The following CTNNA2 variants were observed in gnomAD, a reference collection of about 807,000 sequenced individuals.
CTNNA2 encodes catenin alpha-2.
In CTNNA2, 42 loss-of-function variants were observed where a neutral mutation model predicts 101.0. The observed-to-expected ratio is 0.42, with a 90% CI of 0.32 to 0.54. The LOEUF is 0.54. CTNNA2 is among the 20% of genes least tolerant of loss of function. The probability of loss-of-function intolerance (pLI) is 0.14; values close to 1 mark genes in which losing one functional copy is unlikely to be tolerated. For missense variants in CTNNA2, 871 were observed against 1,223.1 expected, an observed-to-expected ratio of 0.71 and a Z score of 4.29; for synonymous variants, 450 against 456.4, an observed-to-expected ratio of 0.99 and a Z score of 0.18.
intron 7 of CTNNA2, among the ~76,000 whole-genome samples, chr2:80,010,805 A>G (rs1162980602): frequency 6.6e-6 from 1 of 152,104 alleles, no homozygotes; most frequent in Non-Finnish European, 1.5e-5. Flanking sequence ...TGTCTTTTGG[A>G]AAAATAGTGG....
intron 7 of CTNNA2, among the ~76,000 whole-genome samples, chr2:80,173,312 A>G (rs984924922): frequency 6.6e-5 from 10 of 152,214 alleles, no homozygotes; most frequent in Non-Finnish European, 1.5e-4. Flanking sequence ...AAGTGCTTTC[A>G]TGTCTAAAAT....
intron 3 of CTNNA2, among the ~76,000 whole-genome samples, chr2:79,321,233 A>G (rs1257158352): frequency 3.3e-5 from 5 of 152,200 alleles, no homozygotes; most frequent in African/African-American, 4.8e-5. Context: ...AGGTCAAGCA[A>G]CTTTGTTGGC....
At chr2:79,287,829 G>A (rs374043610) in intron 2 of CTNNA2, among the ~76,000 whole-genome samples, 5 of 151,924 alleles carry the variant, frequency 3.3e-5, no homozygotes, top group Admixed American at 1.3e-4. Context: ...GGGCAATGGC[G>A]GGCGCCCCTC....
intron 1 of CTNNA2, among the ~76,000 whole-genome samples, chr2:79,590,239 GC>G (rs1676760156): frequency 6.6e-6 from 1 of 152,116 alleles, no homozygotes; most frequent in African/African-American, 2.4e-5. Context: ...ACCATGCTCT[GC>G]TGGTCCATAT....
chr2:80,617,762 A>T (rs1698974488), intron 17 of CTNNA2, among the ~76,000 whole-genome samples: 1 of 151,828 alleles, frequency 6.6e-6, no homozygotes, highest in African/African-American at 2.4e-5. Context: ...TAATACACTT[A>T]TGTATTTAGT....
chr2:79,915,324 CACACACAT>C (rs1309270923), intron 7 of CTNNA2, among the ~76,000 whole-genome samples: 2 of 146,840 alleles, frequency 1.4e-5, no homozygotes, highest in Admixed American at 7.2e-5. Flanking sequence ...CACACACACA[CACACACAT>C]TACACTTTGC....
chr2:80,017,401 T>C (rs1230560008), intron 7 of CTNNA2, among the ~76,000 whole-genome samples: 2 of 152,026 alleles, frequency 1.3e-5, no homozygotes, highest in Non-Finnish European at 2.9e-5. Context: ...CATTGATGTG[T>C]ACATATAGAC....
At chr2:80,398,564 G>A (rs1678252514) in intron 8 of CTNNA2, among the ~76,000 whole-genome samples, 2 of 151,902 alleles carry the variant, frequency 1.3e-5, no homozygotes, top group African/African-American at 4.8e-5. Flanking sequence ...AAATAGAAAT[G>A]GGATCAGAGG....
At chr2:79,728,718 T>C (rs779140881) in intron 2 of CTNNA2, among the ~76,000 whole-genome samples, 2 of 152,216 alleles carry the variant, frequency 1.3e-5, no homozygotes, top group African/African-American at 2.4e-5. Context: ...GGTCTAATGC[T>C]TAAGTCTTTA....
At chr2:79,637,414 ATTTG>A (rs1680149218) in intron 1 of CTNNA2, among the ~76,000 whole-genome samples, 1 of 152,188 alleles carries the variant, frequency 6.6e-6, no homozygotes, top group African/African-American at 2.4e-5. Flanking sequence ...AGTTTCATAC[ATTTG>A]TAGATGTGTC....
At chr2:79,345,980 G>A (rs888546416) in intron 3 of CTNNA2, among the ~76,000 whole-genome samples, 1 of 151,666 alleles carries the variant, frequency 6.6e-6, no homozygotes. Flanking sequence ...GATTACAGGC[G>A]TGAGCCACCG....
intron 15 of CTNNA2, among the ~76,000 whole-genome samples, chr2:80,598,714 A>G (rs1697203462): frequency 6.6e-6 from 1 of 152,196 alleles, no homozygotes; most frequent in South Asian, 2.1e-4. Context: ...AGCAATAAAA[A>G]TGCATGCAAT....
chr2:80,583,435 G>T (rs555729201), intron 14 of CTNNA2, among the ~76,000 whole-genome samples: 1 of 152,174 alleles, frequency 6.6e-6, no homozygotes, highest in Non-Finnish European at 1.5e-5. Flanking sequence ...TTGACTCTGT[G>T]TTGGCAAAAC....
At chr2:80,043,016 TC>T (rs772487032) in intron 7 of CTNNA2, among the ~76,000 whole-genome samples, 10 of 147,804 alleles carry the variant, frequency 6.8e-5, no homozygotes, top group South Asian at 6.4e-4. Flanking sequence ...TTCCTTTCTT[TC>T]CCTTTCTTTC....
chr2:79,943,671 C>G (rs1345664410), intron 7 of CTNNA2, among the ~76,000 whole-genome samples: 1 of 152,124 alleles, frequency 6.6e-6, no homozygotes, highest in Non-Finnish European at 1.5e-5. Context: ...ATAAAGAAAG[C>G]TGGAAATATA....
intron 9 of CTNNA2, among the ~76,000 whole-genome samples, chr2:80,542,831 TTAAATAC>T (rs1691692154): frequency 1.3e-5 from 2 of 152,138 alleles, no homozygotes; most frequent in East Asian, 3.9e-4. Context: ...AGGTAGAACT[TTAAATAC>T]ATATATCTTT....
At chr2:79,226,058 T>G (rs934406258) in intron 2 of CTNNA2, among the ~76,000 whole-genome samples, 7 of 152,166 alleles carry the variant, frequency 4.6e-5, no homozygotes, top group African/African-American at 1.7e-4. Context: ...TACTCATGTT[T>G]TCTTTTATTT....
intron 2 of CTNNA2, among the ~76,000 whole-genome samples, chr2:79,296,346 A>G (rs1351970153): frequency 6.6e-6 from 1 of 152,168 alleles, no homozygotes; most frequent in Non-Finnish European, 1.5e-5. Flanking sequence ...CAAACTTTTC[A>G]AAGAGTTTTT....
At chr2:80,193,571 T>C (rs7570531) in intron 7 of CTNNA2, among the ~76,000 whole-genome samples, 33,077 of 152,156 alleles carry the variant, frequency 0.22, 5,339 homozygotes, top group African/African-American at 0.45. Context: ...ATGGGATTCA[T>C]AGATTTTCTG....
Sources: gnomAD v4.1 joint callset for allele counts (sites outside exome capture counted in the v4.1 genomes callset) on GRCh38, gnomAD v4.1.1 for gene constraint, MANE v1.5 for transcripts, NCBI Gene and HGNC (gene_info 2026-07-23, HGNC 2026-07-21) for gene names.